Variants in AKAP19 observed in about 807,000 individuals in gnomAD.
AKAP19 encodes A-kinase anchoring protein 19.
the AKAP19 span, among the ~76,000 whole-genome samples, chr2:190,073,971 G>A: frequency 4.0e-5 from 6 of 151,780 alleles, no homozygotes; most frequent in East Asian, 1.9e-4. Flanking sequence ...GAACCTGGGA[G>A]GCGGAGGTTA....
chr2:190,115,260 C>CATATATCTATATATAT, the AKAP19 span, among the ~76,000 whole-genome samples: 1 of 11,160 alleles, frequency 9.0e-5, no homozygotes, highest in Non-Finnish European at 1.5e-4. Context: ...AGGCAAGAAG[C>CATATATCTATATATAT]ATATATATAT....
the AKAP19 span, among the ~76,000 whole-genome samples, chr2:190,014,537 G>A: frequency 1.3e-5 from 2 of 152,118 alleles, no homozygotes; most frequent in Non-Finnish European, 1.5e-5. Context: ...TGACATTTGG[G>A]TGCAGATGCA....
At chr2:189,944,941 A>AAG in the AKAP19 span, among the ~76,000 whole-genome samples, 10 of 152,188 alleles carry the variant, frequency 6.6e-5, no homozygotes, top group South Asian at 1.9e-3. Context: ...AAAAAAATGA[A>AAG]TGTTAGAAAG....
chr2:190,142,738 C>A, the AKAP19 span, among the ~76,000 whole-genome samples: 2 of 152,182 alleles, frequency 1.3e-5, no homozygotes, highest in Non-Finnish European at 2.9e-5. Context: ...GCTGGTGGGA[C>A]CTTGACTGCA....
At chr2:190,103,854 A>G in the AKAP19 span, among the ~76,000 whole-genome samples, 1 of 152,354 alleles carries the variant, frequency 6.6e-6, no homozygotes, top group South Asian at 2.1e-4. Flanking sequence ...TATGCAACAG[A>G]AAAGTGCCCA....
chr2:190,032,496 T>C, the AKAP19 span, among the ~76,000 whole-genome samples: 1 of 152,186 alleles, frequency 6.6e-6, no homozygotes, highest in Admixed American at 6.6e-5. Context: ...CACTGCAACA[T>C]TAATTGATAA....
the AKAP19 span, among the ~76,000 whole-genome samples, chr2:190,025,877 A>C: frequency 6.6e-6 from 1 of 152,134 alleles, no homozygotes; most frequent in East Asian, 1.9e-4. Context: ...TAGCCTTTTA[A>C]ATCTCTTTCA....
chr2:190,048,966 A>T, the AKAP19 span, among the ~76,000 whole-genome samples: 1 of 152,188 alleles, frequency 6.6e-6, no homozygotes, highest in African/African-American at 2.4e-5. Flanking sequence ...ATAAAATATA[A>T]GATGCATTTT....
chr2:190,119,255 C>T, the AKAP19 span, among the ~76,000 whole-genome samples: 1 of 152,176 alleles, frequency 6.6e-6, no homozygotes, highest in African/African-American at 2.4e-5. Context: ...GGAAGAGGCT[C>T]CCCTATACAG....
chr2:189,885,764 T>C, the AKAP19 span, among the ~76,000 whole-genome samples: 1 of 152,164 alleles, frequency 6.6e-6, no homozygotes, highest in Non-Finnish European at 1.5e-5. Context: ...CATAAATATG[T>C]AGCATTTCAT....
At chr2:189,955,735 T>G in the AKAP19 span, among the ~76,000 whole-genome samples, 1 of 152,310 alleles carries the variant, frequency 6.6e-6, no homozygotes, top group South Asian at 2.1e-4. Flanking sequence ...GCGAGCAAAT[T>G]CTTATTGGGA....
chr2:189,887,618 C>G, the AKAP19 span, among the ~76,000 whole-genome samples: 3 of 152,242 alleles, frequency 2.0e-5, no homozygotes, highest in Non-Finnish European at 2.9e-5. Context: ...TCTCCACATC[C>G]TCTCCACCAT....
chr2:190,045,897 G>T, the AKAP19 span, among the ~76,000 whole-genome samples: 1 of 152,160 alleles, frequency 6.6e-6, no homozygotes, highest in Non-Finnish European at 1.5e-5. Context: ...GCTCTGCCAA[G>T]ACTCCACATA....
At chr2:190,045,662 C>T in the AKAP19 span, among the ~76,000 whole-genome samples, 1 of 152,196 alleles carries the variant, frequency 6.6e-6, no homozygotes, top group Non-Finnish European at 1.5e-5. Flanking sequence ...AGGCGCAATG[C>T]TCCTACCAGT....
At chr2:189,992,249 T>G in the AKAP19 span, among the ~76,000 whole-genome samples, 2 of 151,984 alleles carry the variant, frequency 1.3e-5, no homozygotes, top group African/African-American at 4.8e-5. Context: ...AGAGACAGGT[T>G]TTCACCATGT....
At chr2:190,128,293 A>G in the AKAP19 span, among the ~76,000 whole-genome samples, 1 of 152,224 alleles carries the variant, frequency 6.6e-6, no homozygotes, top group Non-Finnish European at 1.5e-5. Context: ...ATCCATCTAA[A>G]GAACCTAAAA....
At chr2:190,136,229 C>T in the AKAP19 span, among the ~76,000 whole-genome samples, 9 of 152,114 alleles carry the variant, frequency 5.9e-5, no homozygotes, top group Non-Finnish European at 1.5e-5. Flanking sequence ...CCTCTTAATT[C>T]CAAACTTAAA....
the AKAP19 span, chr2:190,150,248 T>A: frequency 6.6e-6 from 1 of 152,220 alleles, no homozygotes; most frequent in Non-Finnish European, 1.5e-5. Flanking sequence ...CTCACCCCAT[T>A]CGAATTGTTA....
At chr2:190,073,867 A>G in the AKAP19 span, among the ~76,000 whole-genome samples, 2 of 151,980 alleles carry the variant, frequency 1.3e-5, no homozygotes, top group African/African-American at 4.8e-5. Context: ...CCTGGCTAAC[A>G]TGGTGAAACC....
Sources: gnomAD v4.1 joint callset for allele counts (sites outside exome capture counted in the v4.1 genomes callset) on GRCh38, gnomAD v4.1.1 for gene constraint, MANE v1.5 for transcripts, NCBI Gene and HGNC (gene_info 2026-07-23, HGNC 2026-07-21) for gene names.